Variants in KLHL41 observed in about 807,000 individuals in gnomAD.
KLHL41 encodes kelch-like protein 41.
A neutral mutation model predicts 49.2 loss-of-function variants in KLHL41; 31 were observed. The observed-to-expected ratio is 0.63, with a 90% CI of 0.47 to 0.85. The LOEUF (loss-of-function observed/expected upper bound fraction) is 0.85. Ranked by LOEUF, KLHL41 falls within the 40% of genes least tolerant of loss-of-function variation. The pLI, the probability that KLHL41 is intolerant of heterozygous loss-of-function variation, is 0.00. For missense variants in KLHL41, 663 were observed against 726.7 expected, an observed-to-expected ratio of 0.91 and a Z score of 1.01; for synonymous variants, 218 against 258.5, an observed-to-expected ratio of 0.84 and a Z score of 1.50.
chr2:169,519,859 G>C (rs1684171746), intron 4 of KLHL41, among the ~76,000 whole-genome samples: 1 of 152,016 alleles, frequency 6.6e-6, no homozygotes, highest in Non-Finnish European at 1.5e-5. Context: ...CTGCCAAAGT[G>C]CTAGGATTAC....
intron 1 of KLHL41, 65 bp from the exon 2 acceptor site, chr2:169,514,507 CTT>C: frequency 7.3e-7 from 1 of 1,376,290 alleles, no homozygotes; most frequent in Non-Finnish European, 1.0e-6. Context: ...TAAAGTATAA[CTT>C]TTTTTGGTGT....
intron 5 of KLHL41, among the ~76,000 whole-genome samples, chr2:169,524,905 G>T (rs1449406620): frequency 1.3e-5 from 2 of 152,142 alleles, no homozygotes; most frequent in Non-Finnish European, 2.9e-5. Context: ...AGGTTTCAGA[G>T]AGAAGGCGGC....
chr2:169,516,834 C>T (rs1478946100), intron 3 of KLHL41, among the ~76,000 whole-genome samples: 1 of 152,096 alleles, frequency 6.6e-6, no homozygotes, highest in Non-Finnish European at 1.5e-5. Context: ...CCAGCCTGTC[C>T]AACGTGGAGA....
At chr2:169,520,308 G>GTGTA (rs1298045174) in intron 4 of KLHL41, among the ~76,000 whole-genome samples, 1 of 109,554 alleles carries the variant, frequency 9.1e-6, no homozygotes, top group Non-Finnish European at 2.0e-5. Flanking sequence ...GTGTGTGTGT[G>GTGTA]TGTATGTGTG....
At chr2:169,511,084 T>G (rs1330847952) in intron 1 of KLHL41, among the ~76,000 whole-genome samples, 196 bp downstream of exon 1, 1 of 152,216 alleles carries the variant, frequency 6.6e-6, no homozygotes, top group Non-Finnish European at 1.5e-5. Flanking sequence ...AATAAAAAGT[T>G]TGGTGAATAA....
chr2:169,518,393 A>G lies in KLHL41; in HGVS notation c.1562+18A>G. 1 of 1,553,722 alleles carries G rather than the reference A, an allele frequency of 6.4e-7. No individual in the cohort carries two copies. The highest frequency in any genetic ancestry group is 1.2e-5 in the South Asian group (1 of 86,388). The stretch of plus-strand genomic sequence containing the variant: ...ACAAATAAGTGAGTTGCCACATCTT[A>G]GTATATAGCATGTGAACAACTATAC... On this transcript the variant is annotated intron_variant, in intron 4 of 5. Transcript: ENST00000284669.
Position 169,510,300 on chromosome 2 carries a change from G to C in KLHL41, c.522G>C (p.Leu174=). 2 of 1,614,054 alleles carry C rather than the reference G, an allele frequency of 1.2e-6. No homozygotes were observed. Among genetic ancestry groups the C allele is most frequent in the Non-Finnish European group, 1.7e-6 (2 of 1,180,018 alleles). Residue 174 remains leucine (L), a synonymous_variant, in exon 1 of 6, where the codon CTG becomes CTC. Transcript: ENST00000284669. The surrounding 1 kb of genome is among the most constrained non-coding windows in gnomAD (Gnocchi z 4.2). ...QICKEEDFMQ[L]SPQELISVIS... ...GTAAGGAAGAGGACTTTATGCAACT[G>C]TCTCCACAGGAACTGATCTCAGTCA...
intron 3 of KLHL41, among the ~76,000 whole-genome samples, chr2:169,516,496 T>G (rs924070865): frequency 6.6e-6 from 1 of 152,152 alleles, no homozygotes; most frequent in Non-Finnish European, 1.5e-5. Context: ...CTGAGTAAAC[T>G]GAATGGAAAA....
Position 169,514,515 on chromosome 2 carries a change from G to T in KLHL41, c.1111-59G>T. 13 of 1,413,548 alleles carry T rather than the reference G, an allele frequency of 9.2e-6. No individual in the cohort carries two copies. In the Admixed American group the frequency reaches 1.0e-4, roughly 11 times the overall value. The allele number at this position is 1,413,548 out of a possible 1,614,324, so 87.6% of individuals were successfully genotyped here. A position where few individuals can be genotyped will look rare whatever the true frequency, so the allele number is the denominator to read the frequency against. On this transcript the variant is annotated intron_variant, in intron 1 of 5. Transcript: ENST00000284669. Reference sequence around the variant, plus strand: ...CAACATATAAAGTATAACTTTTTTTGGTGTACTTCTAATTTTTTTCTAACA... The same window carrying T: ...CAACATATAAAGTATAACTTTTTTTTGTGTACTTCTAATTTTTTTCTAACA...
At chr2:169,520,200 GTGTGTGTGTA>G (rs1684177923) in intron 4 of KLHL41, among the ~76,000 whole-genome samples, 1 of 98,454 alleles carries the variant, frequency 1.0e-5, no homozygotes, top group African/African-American at 3.8e-5. Context: ...GTGTGTGTGT[GTGTGTGTGTA>G]GACAGTCCAT....
In KLHL41 at chr2:169,510,329, C is replaced by A. The variant is rs1396434838; in HGVS notation, c.551C>A (p.Ser184Ter). The A allele has an allele frequency of 6.2e-7, 1 of 1,613,806 alleles. No homozygotes were observed. ...CCACAGGAACTGATCTCAGTCATTT[C>A]AAATGACAGCCTAAATGTAGAAAAA... ...LSPQELISVI[S>*]NDSLNVEKEE... The change falls in exon 1 of 6, where the codon TCA (serine) becomes TAA (stop). Residue 184 changes from serine (S) to a stop codon, truncating the protein, a stop_gained. Transcript: ENST00000284669. LOFTEE classifies it high-confidence loss of function. This position sits in a 1 kb window ranked among gnomAD's most constrained non-coding sequence, Gnocchi z 4.2.
At chr2:169,518,408 A>C (rs541572306) in intron 4 of KLHL41, 33 bp downstream of exon 4, 6 of 1,460,916 alleles carry the variant, frequency 4.1e-6, no homozygotes, top group Non-Finnish European at 5.7e-6. Context: ...ATAGCATGTG[A>C]ACAACTATAC....
intron 3 of KLHL41, among the ~76,000 whole-genome samples, chr2:169,517,698 A>T (rs900066419): frequency 6.6e-6 from 1 of 152,202 alleles, no homozygotes; most frequent in African/African-American, 2.4e-5. Flanking sequence ...ATAGTCCCAG[A>T]TTTCTTAAAA....
rs143575764 is a variant in KLHL41, at chr2:169,522,766, A to G, written c.1709+1759A>G. On this transcript the variant is annotated intron_variant, in intron 5 of 5. Transcript: ENST00000284669. Reference sequence around the variant, plus strand: ...GAGACAGAGTCTCACTCTGTCACCCAGGCTGTAGTGCAGTGATGTGATCTT... The same window carrying G: ...GAGACAGAGTCTCACTCTGTCACCCGGGCTGTAGTGCAGTGATGTGATCTT... Among the ~76,000 whole-genome samples, 1,104 of 113,666 alleles carry G rather than the reference A, an allele frequency of 9.7e-3. 24 individuals carry two copies. Among genetic ancestry groups the G allele is most frequent in the African/African-American group, 0.036 (1,036 of 29,112 alleles). The allele number at this position is 113,666 out of a possible 152,430, so 74.6% of individuals were successfully genotyped here.
intron 1 of KLHL41, among the ~76,000 whole-genome samples, chr2:169,513,780 G>C (rs944908710): frequency 6.6e-6 from 1 of 152,164 alleles, no homozygotes; most frequent in Non-Finnish European, 1.5e-5. Flanking sequence ...GTGCTAAAAT[G>C]AAAAGTGTAA....
chr2:169,513,262 T>A (rs1218939756), intron 1 of KLHL41, among the ~76,000 whole-genome samples: 1 of 152,222 alleles, frequency 6.6e-6, no homozygotes, highest in Non-Finnish European at 1.5e-5. Flanking sequence ...AATTATTTAA[T>A]CTTCCTGTGC....
rs202083406 is a variant in KLHL41, at chr2:169,520,314, G to A, written c.1563-547G>A. Among the ~76,000 whole-genome samples, 286 of 103,484 alleles carry A rather than the reference G, an allele frequency of 2.8e-3. 29 individuals carry two copies. The highest frequency in any genetic ancestry group is 0.013 in the South Asian group (40 of 3,008). The allele number at this position is 103,484 out of a possible 152,430, so 67.9% of individuals were successfully genotyped here. ...TGTGTGTGTGTGTGTGTGTGTGTAT[G>A]TGTGTGTGTGTGTGTGGAGGCAGTC... On this transcript the variant is annotated intron_variant, in intron 4 of 5. Coordinates refer to ENST00000284669, the MANE Select transcript of KLHL41 (RefSeq NM_006063.3).
At chr2:169,515,034 TC>T in intron 3 of KLHL41, 73 bp downstream of exon 3, 10 of 886,998 alleles carry the variant, frequency 1.1e-5, no homozygotes, top group Admixed American at 3.0e-5. Context: ...TCTTTTCTTT[TC>T]TTTTTTTTTT....
At chr2:169,520,275 AGT>A (rs71003095) in intron 4 of KLHL41, among the ~76,000 whole-genome samples, 3,094 of 56,870 alleles carry the variant, frequency 0.054, 217 homozygotes, top group East Asian at 0.17. Context: ...CTCCTGCCTC[AGT>A]GTGTGTGTGT....
Sources: allele counts gnomAD v4.1 joint callset (sites outside exome capture counted in the v4.1 genomes callset), GRCh38; gene constraint gnomAD v4.1.1; non-coding constraint Gnocchi (gnomAD v3.1); transcripts MANE v1.5; gene names NCBI Gene and HGNC (gene_info 2026-07-23, HGNC 2026-07-21).